Variants in SIGLEC5 observed in about 807,000 individuals in gnomAD.
The protein encoded by SIGLEC5 is sialic acid binding Ig like lectin 5.
A neutral mutation model predicts 45.9 loss-of-function variants in SIGLEC5; 34 were observed. That is an observed-to-expected ratio of 0.74 (90% confidence interval 0.56 to 0.99). SIGLEC5 has a LOEUF of 0.99. Among genes scored for constraint, SIGLEC5 ranks in the 50% least tolerant of loss-of-function variants. The pLI, the probability that SIGLEC5 is intolerant of heterozygous loss-of-function variation, is 0.00. For synonymous variants in SIGLEC5, 203 were observed against 258.6 expected, an observed-to-expected ratio of 0.79 and a Z score of 2.06; for missense variants, 508 against 629.6, an observed-to-expected ratio of 0.81 and a Z score of 2.07.
chr19:51,628,621 G>T (rs879297883), intron 4 of SIGLEC5, among the ~76,000 whole-genome samples: 5 of 149,968 alleles, frequency 3.3e-5, no homozygotes, highest in Admixed American at 6.6e-5. Context: ...ACATGTGTGC[G>T]TGTGTGGGTG....
At chr19:51,620,063 A>ATATATG (rs1983225247) in intron 8 of SIGLEC5, among the ~76,000 whole-genome samples, 1 of 151,162 alleles carries the variant, frequency 6.6e-6, no homozygotes. Context: ...GTCAAAATAT[A>ATATATG]TATATATATA....
chr19:51,611,690 A>G lies in SIGLEC5; in HGVS notation c.*541T>C, dbSNP rs893660340. Among the ~76,000 whole-genome samples, 3 of 152,184 alleles carry G rather than the reference A, an allele frequency of 2.0e-5. No individual in the cohort carries two copies. The highest frequency in any genetic ancestry group is 7.2e-5 in the African/African-American group (3 of 41,434). ...ATTGCAGGTAAAAGTGGGCAAAGAT[A>G]TGACTCTGGCAAGGATATAAGATCC... On this transcript the variant is annotated 3_prime_UTR_variant, in exon 9 of 9. Transcript: ENST00000683636.
intron 3 of SIGLEC5, 85 bp downstream of exon 3, chr19:51,629,271 TAC>T (rs72330913): frequency 0.24 from 338,255 of 1,418,992 alleles, 6,672 homozygotes; most frequent in South Asian, 0.26. Context: ...CTGTCTTCCT[TAC>T]ACACACACAC....
At chr19:51,628,712 CAT>C (rs1983601955) in intron 4 of SIGLEC5, among the ~76,000 whole-genome samples, 5 of 145,770 alleles carry the variant, frequency 3.4e-5, no homozygotes, top group Non-Finnish European at 6.0e-5. Context: ...TGTGTGTGTG[CAT>C]ATGTGTGTGG....
intron 8 of SIGLEC5, among the ~76,000 whole-genome samples, chr19:51,622,194 C>T (rs112456998): frequency 0.088 from 13,448 of 152,120 alleles, 729 homozygotes; most frequent in South Asian, 0.12. Flanking sequence ...TGCACTGGCG[C>T]GATCTCCGCT....
chr19:51,627,829 C>T lies in SIGLEC5; in HGVS notation c.997+5G>A, dbSNP rs748982243. ...AGTTCCTGCTCCAGCTGCCCCCACA[C>T]TCACAGTAAACTGAGAGATTCAGAA... is the stretch of plus-strand genomic sequence containing the variant. On this transcript the variant is annotated splice_donor_5th_base_variant and intron_variant, in intron 5 of 8. Coordinates refer to ENST00000683636, the MANE Select transcript of SIGLEC5 (RefSeq NM_003830.4). 3 of 1,595,460 alleles carry T rather than the reference C, an allele frequency of 1.9e-6. No homozygotes were observed. The highest frequency in any genetic ancestry group is 1.7e-6 in the Non-Finnish European group (2 of 1,169,994).
chr19:51,618,419 C>T (rs894718870), intron 8 of SIGLEC5, among the ~76,000 whole-genome samples: 20 of 129,428 alleles, frequency 1.5e-4, no homozygotes, highest in African/African-American at 4.0e-4. Flanking sequence ...CATTCCAGCC[C>T]GCATGAGTGA....
intron 8 of SIGLEC5, among the ~76,000 whole-genome samples, chr19:51,619,766 T>G (rs966488219): frequency 6.6e-6 from 1 of 152,008 alleles, no homozygotes; most frequent in East Asian, 1.9e-4. Flanking sequence ...GCTTAAAAAT[T>G]TATCAAAGAT....
At position 51,629,615 on chromosome 19, in the gene SIGLEC5, A is replaced by G; in HGVS notation, c.443T>C (p.Ile148Thr). 2.1e-6 allele frequency: 3 copies of G among 1,422,556 alleles called. No individual in the cohort carries two copies. The highest frequency in any genetic ancestry group is 2.9e-6 in the Non-Finnish European group (3 of 1,037,264). 88.1% of individuals were successfully genotyped at this position (1,422,556 alleles called of 1,614,324 possible). A position where few individuals can be genotyped will look rare whatever the true frequency, so the allele number is the denominator to read the frequency against. The stretch of plus-strand genomic sequence containing the variant: ...GGACTCCAGAGGCTCCAGAAAGTGG[A>G]TGTCGGGTTTCTCTATCAGGGCTGA... ...EVTALIEKPD[I>T]HFLEPLESGR... Residue 148 changes from isoleucine (I) to threonine (T), a missense_variant, in exon 3 of 9, where the codon ATC becomes ACC. By Grantham distance (89) the Ile-to-Thr change is moderately conservative (BLOSUM62 -1). Transcript: ENST00000683636.
intron 8 of SIGLEC5, among the ~76,000 whole-genome samples, chr19:51,623,646 C>G (rs910163490): frequency 6.6e-6 from 1 of 152,160 alleles, no homozygotes; most frequent in Non-Finnish European, 1.5e-5. Flanking sequence ...TACAGAACAA[C>G]AAGATTTCCT....
rs200884858 is a variant in SIGLEC5 at position 51,612,344 on chromosome 19, G to A, written c.1543C>T (p.Gln515Ter). ...AGGGAGGCATAATGGAGCTCCTTTT[G>A]TTCTTCCAAGGGAGGGGCATCCCCA... is the stretch of plus-strand genomic sequence containing the variant. ...PPGDAPPLEE[Q>*]KELHYASLSF... The change falls in exon 9 of 9, where the codon CAA (glutamine) becomes TAA (stop). Residue 515 changes from glutamine (Q) to a stop codon, truncating the protein, a stop_gained. Transcript: ENST00000683636. LOFTEE classifies it low-confidence loss of function (END_TRUNC). The A allele has an allele frequency of 5.6e-5, 90 of 1,613,398 alleles. 1 individual carries two copies. In the Middle Eastern group the frequency reaches 6.8e-4, roughly 12 times the overall value.
chr19:51,613,819 CCT>C (rs1208807739), intron 8 of SIGLEC5, among the ~76,000 whole-genome samples: 5 of 151,962 alleles, frequency 3.3e-5, no homozygotes, highest in African/African-American at 1.2e-4. Context: ...CCCTGTCTCC[CCT>C]GTTTCAGGTT....
At chr19:51,629,328 G>C (rs1481834235) in intron 3 of SIGLEC5, 30 bp downstream of exon 3, 10 of 1,611,176 alleles carry the variant, frequency 6.2e-6, no homozygotes, top group Non-Finnish European at 8.5e-6. Context: ...CTGCCCTTGA[G>C]GACTCAGCTG....
At chr19:51,621,595 G>A (rs568859758) in intron 8 of SIGLEC5, 1 of 152,202 alleles carries the variant, frequency 6.6e-6, no homozygotes, top group Non-Finnish European at 1.5e-5. Flanking sequence ...ATCAAACCCA[G>A]CTGCTTTGAT....
rs544815574 is a variant in SIGLEC5 at position 51,627,813 on chromosome 19, T to TCCAGCTG, written c.997+14_997+20dup. ...TTCTTTAATACCATGCAGTTCCTGCTCCAGCTGCCCCCACACTCACAGTAA... is the reference window on the plus strand; with the variant it reads ...TTCTTTAATACCATGCAGTTCCTGCTCCAGCTGCCAGCTGCCCCCACACTCACAGTAA... On this transcript the variant is annotated intron_variant, in intron 5 of 8. Transcript: ENST00000683636. 7.3e-5 allele frequency: 115 copies of TCCAGCTG among 1,585,006 alleles called. No homozygotes were observed. The African/African-American group carries it at 1.4e-3, about 20-fold the overall frequency.
At chr19:51,628,354 G>A (rs893065749) in intron 4 of SIGLEC5, among the ~76,000 whole-genome samples, 8 of 152,172 alleles carry the variant, frequency 5.3e-5, no homozygotes, top group African/African-American at 1.9e-4. Flanking sequence ...GAGAGCCCCC[G>A]GTGGCGTTGG....
rs1455830172 is a variant in SIGLEC5 at position 51,627,604 on chromosome 19, T to A, written c.1140A>T (p.Ser380=). 1 of 1,613,712 alleles carries A rather than the reference T, an allele frequency of 6.2e-7. No individual in the cohort carries two copies. The highest frequency in any genetic ancestry group is 1.3e-5 in the African/African-American group (1 of 74,918). The change falls in exon 6 of 9, where the codon TCA becomes TCT. Residue 380 remains serine, a synonymous_variant. Transcript: ENST00000683636. ...KPLEGNSSQG[S]FKVNSSSAGP... is the part of the protein sequence containing the mutation. ...CAGCTGAGCTGGAGTTGACCTTGAATGAGCCCTGGCTGCTGTTCCCCTCCA... is the reference window on the plus strand; with the variant it reads ...CAGCTGAGCTGGAGTTGACCTTGAAAGAGCCCTGGCTGCTGTTCCCCTCCA...
rs1467154825 is a variant in SIGLEC5 at position 51,611,322 on chromosome 19, C to A, written c.*909G>T. 6.6e-6 allele frequency among the ~76,000 whole-genome samples: 1 copy of A among 152,220 alleles called. No individual in the cohort carries two copies. The highest frequency in any genetic ancestry group is 2.4e-5 in the African/African-American group (1 of 41,458). ...AGTCCACTCTTCCAACTCAAGACCACCCATTAACTCATGTTTGGAGGAAAA... is the reference window on the plus strand; with the variant it reads ...AGTCCACTCTTCCAACTCAAGACCAACCATTAACTCATGTTTGGAGGAAAA... On this transcript the variant is annotated 3_prime_UTR_variant, in exon 9 of 9. Transcript: ENST00000683636.
intron 8 of SIGLEC5, 88 bp downstream of exon 8, chr19:51,625,944 G>A (rs1320429542): frequency 3.0e-5 from 30 of 987,620 alleles, no homozygotes; most frequent in East Asian, 4.8e-5. Flanking sequence ...CAGGTGATGA[G>A]GGAGGAGTGG....
Sources: allele counts gnomAD v4.1 joint callset (sites outside exome capture counted in the v4.1 genomes callset), GRCh38; gene constraint gnomAD v4.1.1; transcripts MANE v1.5; gene names NCBI Gene and HGNC (gene_info 2026-07-23, HGNC 2026-07-21).